Variants in GCA observed in about 807,000 individuals in gnomAD.
The protein encoded by GCA is grancalcin.
GCA carries 30 observed loss-of-function variants against 32.6 expected under a neutral mutation model. The ratio of observed to expected loss-of-function variants is 0.92; its 90% CI spans 0.69 to 1.25. The LOEUF (loss-of-function observed/expected upper bound fraction) is 1.25, where lower values mean the gene tolerates loss of function less well. Ranked by LOEUF, GCA falls within the 50% of genes most tolerant of loss-of-function variation. GCA has a pLI of 0.00. For missense variants in GCA, 291 were observed against 266.8 expected, an observed-to-expected ratio of 1.09 and a Z score of -0.63; for synonymous variants, 102 against 84.6, an observed-to-expected ratio of 1.21 and a Z score of -1.13.
chr2:162,342,043 A>G (rs571961716), upstream of GCA, among the ~76,000 whole-genome samples: 1 of 152,352 alleles, frequency 6.6e-6, no homozygotes, highest in African/African-American at 2.4e-5. Context: ...TTAAATAGAC[A>G]TGACATTTTC....
intron 5 of GCA, among the ~76,000 whole-genome samples, chr2:162,358,072 G>T (rs1454669796): frequency 6.6e-6 from 1 of 151,296 alleles, no homozygotes; most frequent in Non-Finnish European, 1.5e-5. Flanking sequence ...TATTATAGCT[G>T]CATGTATAAT....
chr2:162,372,414 A>C (rs1685986685), downstream of GCA, among the ~76,000 whole-genome samples: 2 of 152,140 alleles, frequency 1.3e-5, no homozygotes, highest in Admixed American at 6.6e-5. Context: ...AATTGGGATG[A>C]GGAATGGGAT....
At chr2:162,369,542 G>T (rs1473592455) in intron 4 of GCA, among the ~76,000 whole-genome samples, 2 of 152,068 alleles carry the variant, frequency 1.3e-5, no homozygotes, top group African/African-American at 4.8e-5. Flanking sequence ...GTTTCACAAA[G>T]AAATATAAAC....
Position 162,323,535 on chromosome 2 carries a change from G to A in GCA, c.-31+4310G>A, listed in dbSNP as rs1465729207. The stretch of plus-strand genomic sequence containing the variant: ...TAGGTTTTCTTCTAGGGTTTTTATG[G>A]TTTTAGGTCTAACGTTTAAGTCTTT... On this transcript the variant is annotated intron_variant, in intron 1 of 4. Transcript: ENST00000429691. 2.0e-5 allele frequency among the ~76,000 whole-genome samples: 3 copies of A among 151,954 alleles called. No homozygotes were observed. The South Asian group carries it at 6.2e-4, about 31-fold the overall frequency.
intron 1 of GCA, among the ~76,000 whole-genome samples, chr2:162,322,271 T>G (rs973186082): frequency 2.0e-4 from 31 of 151,640 alleles, no homozygotes; most frequent in Non-Finnish European, 3.7e-4. Flanking sequence ...GAACATTCAT[T>G]TTTCAAGTAC....
Position 162,322,121 on chromosome 2 carries a change from C to A in GCA, c.-31+2896C>A, listed in dbSNP as rs970857525. On this transcript the variant is annotated intron_variant, in intron 1 of 4. Transcript: ENST00000429691. ...ATAGAAAAAAAATTATGGCTAAGTT[C>A]ACTAAATCTTGATAATAATTTCCTA... 2.3e-4 allele frequency among the ~76,000 whole-genome samples: 34 copies of A among 149,960 alleles called. 1 individual carries two copies. Among genetic ancestry groups the A allele is most frequent in the African/African-American group, 7.8e-4 (32 of 40,858 alleles).
chr2:162,353,991 A>G (rs1685130886), intron 3 of GCA, among the ~76,000 whole-genome samples: 1 of 151,892 alleles, frequency 6.6e-6, no homozygotes, highest in Admixed American at 6.6e-5. Flanking sequence ...TTAATATCCA[A>G]GAGCTTCTGT....
At chr2:162,367,207 C>T (rs1685779222), downstream of GCA, among the ~76,000 whole-genome samples, 2 of 151,842 alleles carry the variant, frequency 1.3e-5, no homozygotes, top group Admixed American at 1.3e-4. Flanking sequence ...TTCAGGTTTA[C>T]CACATTGAGT....
rs1348504856 is a variant in GCA at position 162,319,108 on chromosome 2, T to C, written c.-148T>C. On this transcript the variant is annotated 5_prime_UTR_variant, in exon 1 of 5. Transcript: ENST00000429691. ...GAGACTGCGAGGGACAGGTGAGAGA[T>C]GAAGCTCAGAAGACATCTTTGCAGA... is the stretch of plus-strand genomic sequence containing the variant. The C allele has an allele frequency of 1.8e-5, 8 of 455,648 alleles. No individual in the cohort carries two copies. In the Admixed American group the frequency reaches 1.9e-4, roughly 11 times the overall value. 28.2% of individuals were successfully genotyped at this position (455,648 alleles called of 1,614,324 possible).
At chr2:162,374,412 T>G (rs1686086820), downstream of GCA, among the ~76,000 whole-genome samples, 1 of 152,166 alleles carries the variant, frequency 6.6e-6, no homozygotes, top group Non-Finnish European at 1.5e-5. Flanking sequence ...CAAAATATAA[T>G]TGGTCAGATT....
downstream of GCA, chr2:162,371,810 A>G (rs776649582): frequency 4.6e-5 from 73 of 1,598,378 alleles, no homozygotes; most frequent in Non-Finnish European, 6.2e-5. Context: ...TTGTATGTGG[A>G]GTAAATAGTA....
chr2:162,328,532 G>C (rs1364757221), intron 1 of GCA, among the ~76,000 whole-genome samples: 1 of 152,194 alleles, frequency 6.6e-6, no homozygotes, highest in East Asian at 1.9e-4. Context: ...GACAGGAAAA[G>C]TTGCCCCACT....
intron 3 of GCA, among the ~76,000 whole-genome samples, chr2:162,355,521 A>C (rs1286874641): frequency 6.6e-6 from 1 of 152,050 alleles, no homozygotes; most frequent in East Asian, 1.9e-4. Flanking sequence ...TGTAAATTTA[A>C]ACTGTACTAA....
chr2:162,345,131 G>GGTGGTGGTGGTGGTT (rs146219747), intron 1 of GCA, among the ~76,000 whole-genome samples: 1,519 of 143,890 alleles, frequency 0.011, 6 homozygotes, highest in Non-Finnish European at 0.013. Context: ...TGGTGGTGGT[G>GGTGGTGGTGGTGGTT]GTGGTTGTGG....
chr2:162,319,412 C>A (rs1413441471), intron 1 of GCA: 3 of 278,726 alleles, frequency 1.1e-5, no homozygotes, highest in East Asian at 1.8e-4. Context: ...TCCCTATATT[C>A]TTTAATATAC....
Position 162,359,544 on chromosome 2 carries a change from T to A in GCA, c.619T>A (p.Tyr207Asn). 6.6e-7 allele frequency: 1 copy of A among 1,522,490 alleles called. No individual in the cohort carries two copies. Among genetic ancestry groups the A allele is most frequent in the South Asian group, 1.2e-5 (1 of 85,324 alleles). The allele number at this position is 1,522,490 out of a possible 1,614,324, so 94.3% of individuals were successfully genotyped here. A position where few individuals can be genotyped will look rare whatever the true frequency, so the allele number is the denominator to read the frequency against. ...GCAACAAGGGTCTGCGAATTTCATA[T>A]ATGACGATGTGAGTATCCTGCTTTT... Reference protein sequence around the residue: ...HLQQGSANFIYDDFLQGTMAI With the variant: ...HLQQGSANFINDDFLQGTMAI The change falls in exon 7 of 8, where the codon TAT (tyrosine) becomes AAT (asparagine). Residue 207 changes from tyrosine to asparagine, a missense_variant. By Grantham distance (143) the Tyr-to-Asn change is moderately radical (BLOSUM62 -2). Coordinates refer to ENST00000437150, the MANE Select transcript of GCA (RefSeq NM_012198.5).
downstream of GCA, chr2:162,373,321 A>C: frequency 4.4e-6 from 2 of 450,070 alleles, no homozygotes; most frequent in Non-Finnish European, 7.8e-6. Flanking sequence ...TGCAGATTAC[A>C]GGGCCCATTT....
chr2:162,346,430 C>T (rs1684712057), intron 1 of GCA, among the ~76,000 whole-genome samples: 1 of 152,224 alleles, frequency 6.6e-6, no homozygotes, highest in Non-Finnish European at 1.5e-5. Flanking sequence ...TACCACTCCC[C>T]TTATCGAAAG....
intron 2 of GCA, among the ~76,000 whole-genome samples, chr2:162,351,016 T>G (rs1684967975): frequency 6.6e-6 from 1 of 152,172 alleles, no homozygotes; most frequent in Non-Finnish European, 1.5e-5. Context: ...GCCATATCCT[T>G]TTTTGATGGG....
Sources: allele counts gnomAD v4.1 joint callset (sites outside exome capture counted in the v4.1 genomes callset), GRCh38; gene constraint gnomAD v4.1.1; transcripts MANE v1.5; gene names NCBI Gene and HGNC (gene_info 2026-07-23, HGNC 2026-07-21).